The following USP25 variants were observed in gnomAD, a reference collection of about 807,000 sequenced individuals.
USP25 encodes the protein ubiquitin specific peptidase 25.
In USP25, 85 loss-of-function variants were observed where a neutral mutation model predicts 158.5. The observed-to-expected ratio is 0.54, with a 90% CI of 0.45 to 0.64. The LOEUF (loss-of-function observed/expected upper bound fraction) is 0.64, where lower values mean the gene tolerates loss of function less well. Among genes scored for constraint, USP25 ranks in the 30% least tolerant of loss-of-function variants. The pLI is 0.00. For missense variants in USP25, 1,242 were observed against 1,327.3 expected (o/e 0.94, Z 1.00); for synonymous variants, 464 against 460.4 (o/e 1.01, Z -0.10).
At chr21:15,732,335 G>C (rs1401118322) in intron 1 of USP25, among the ~76,000 whole-genome samples, 1 of 152,102 alleles carries the variant, frequency 6.6e-6, no homozygotes, top group Non-Finnish European at 1.5e-5. Flanking sequence ...AAATGTGTTT[G>C]CTTTCCGTAT....
Position 15,843,616 on chromosome 21 carries a change from C to CT in USP25, c.2337+1078dup, listed in dbSNP as rs1256763984. Among the ~76,000 whole-genome samples, 5 of 151,988 alleles carry CT rather than the reference C, an allele frequency of 3.3e-5. No homozygotes were observed. The highest frequency in any genetic ancestry group is 9.7e-5 in the African/African-American group (4 of 41,374). On this transcript the variant is annotated intron_variant, in intron 18 of 25. Coordinates refer to ENST00000400183, the MANE Select transcript of USP25 (RefSeq NM_001283041.3). The surrounding 1 kb of genome is among the most constrained non-coding windows in gnomAD (Gnocchi z 4.0). ...TGATGATTCCAAATTTTGCAAATGC[C>CT]TTAGAAGCTTTAAATGAATTTGATG... is the stretch of plus-strand genomic sequence containing the variant.
In USP25 at chr21:15,818,786, A is replaced by C; in HGVS notation, c.1020A>C (p.Ala340=). The part of the protein sequence containing the change: ...FKDLHECLEA[A]MIEGEIESLH... ...ATCTGCATGAGTGCCTAGAAGCTGC[A>C]ATGATTGAAGGAGAAATTGAGTCTT... Residue 340 remains alanine, a synonymous_variant, in exon 10 of 26, where the codon GCA becomes GCC. Coordinates refer to ENST00000400183, the MANE Select transcript of USP25 (RefSeq NM_001283041.3). The C allele has an allele frequency of 6.2e-7, 1 of 1,613,974 alleles. No individual in the cohort carries two copies. Among genetic ancestry groups the C allele is most frequent in the Non-Finnish European group, 8.5e-7 (1 of 1,179,864 alleles).
chr21:15,749,805 G>A (rs1040862590), intron 1 of USP25, among the ~76,000 whole-genome samples: 6 of 152,208 alleles, frequency 3.9e-5, no homozygotes, highest in African/African-American at 1.4e-4. Flanking sequence ...TCCAAGTAAA[G>A]AGAAGTCTAT....
intron 1 of USP25, among the ~76,000 whole-genome samples, chr21:15,758,731 A>G (rs1600827442): frequency 6.6e-6 from 1 of 152,160 alleles, no homozygotes; most frequent in African/African-American, 2.4e-5. Context: ...CAGAAGGGAA[A>G]GGAGAAGCAA....
Position 15,847,687 on chromosome 21 carries a change from C to G in USP25, c.2362C>G (p.Pro788Ala), listed in dbSNP as rs749583245. 1 of 1,549,988 alleles carries G rather than the reference C, an allele frequency of 6.5e-7. No individual in the cohort carries two copies. The highest frequency in any genetic ancestry group is 2.0e-5 in the Admixed American group (1 of 50,986). ...QSKPENTTSQ[P>A]LSNQRVVEVA... The stretch of plus-strand genomic sequence containing the variant: ...GAAACCTGAAAATACTACAAGCCAA[C>G]CACTTTCTAATCAGCGAGTTGTAGA... The change falls in exon 19 of 26, where the codon CCA becomes GCA. Residue 788 changes from proline to alanine, a missense_variant. Around this residue, in one of 3 missense-constraint regions of USP25, gnomAD observed 608 missense variants for 605.2 expected, o/e 1.00. Transcript: ENST00000400183.
chr21:15,792,976 T>C (rs2035672377), intron 5 of USP25, among the ~76,000 whole-genome samples: 1 of 151,616 alleles, frequency 6.6e-6, no homozygotes, highest in South Asian at 2.1e-4. Context: ...ATTGATACCT[T>C]AGAGATTCTT....
At chr21:15,795,702 T>C (rs1252591109) in intron 5 of USP25, among the ~76,000 whole-genome samples, 1 of 151,642 alleles carries the variant, frequency 6.6e-6, no homozygotes, top group Non-Finnish European at 1.5e-5. Context: ...CTGAGTCATT[T>C]AAGATCTCCA....
chr21:15,739,295 T>A (rs904114908), intron 1 of USP25, among the ~76,000 whole-genome samples: 18 of 152,230 alleles, frequency 1.2e-4, no homozygotes, highest in Non-Finnish European at 2.5e-4. Flanking sequence ...CTTTTGTACC[T>A]CATGCATTTC....
chr21:15,818,647 T>C, intron 9 of USP25, 51 bp from the exon 10 acceptor site: 1 of 1,499,414 alleles, frequency 6.7e-7, no homozygotes, highest in Non-Finnish European at 9.1e-7. Flanking sequence ...CTCTTAATTT[T>C]AGTAGCCAGA....
intron 6 of USP25, among the ~76,000 whole-genome samples, 156 bp downstream of exon 6, chr21:15,799,999 T>G (rs1317047564): frequency 6.6e-6 from 1 of 151,272 alleles, no homozygotes; most frequent in Non-Finnish European, 1.5e-5. Context: ...TTCTTATCCT[T>G]TGTTAATATA....
chr21:15,846,101 GAT>G (rs1209524136), intron 18 of USP25, among the ~76,000 whole-genome samples: 3 of 89,542 alleles, frequency 3.4e-5, no homozygotes, highest in African/African-American at 7.8e-5. Flanking sequence ...TGTGGATTTT[GAT>G]ATATGTGTGT....
intron 4 of USP25, among the ~76,000 whole-genome samples, chr21:15,784,297 G>T (rs972902975): frequency 6.6e-6 from 1 of 152,198 alleles, no homozygotes; most frequent in Non-Finnish European, 1.5e-5. Context: ...ATGTGGCTGG[G>T]CGTGGTGGCT....
Position 15,826,498 on chromosome 21 carries a change from T to G in USP25, c.1466+133T>G, listed in dbSNP as rs185301159. 9.5e-4 allele frequency: 976 copies of G among 1,031,774 alleles called. 3 individuals are homozygous for G. Among genetic ancestry groups the G allele is most frequent in the African/African-American group, 5.3e-3 (329 of 61,964 alleles). 63.9% of individuals were successfully genotyped at this position (1,031,774 alleles called of 1,614,324 possible). A position where few individuals can be genotyped will look rare whatever the true frequency, so the allele number is the denominator to read the frequency against. On this transcript the variant is annotated intron_variant, in intron 13 of 25. Coordinates refer to ENST00000400183, the MANE Select transcript of USP25 (RefSeq NM_001283041.3). This position sits in a 1 kb window ranked among gnomAD's most constrained non-coding sequence, Gnocchi z 4.8. ...AGTGAACTCCTAAGAGTAGATTCAC[T>G]TAGAAGACTGTATGTCCTCTGGGAG...
At chr21:15,847,388 C>A (rs1387056463) in intron 18 of USP25, among the ~76,000 whole-genome samples, 1 of 152,104 alleles carries the variant, frequency 6.6e-6, no homozygotes, top group African/African-American at 2.4e-5. Context: ...GGGAAAACTG[C>A]AGATTTTGTA....
At position 15,742,215 on chromosome 21, in the gene USP25, A is replaced by T. The variant is rs190020151; in HGVS notation, c.45+11777A>T. Among the ~76,000 whole-genome samples the T allele has an allele frequency of 1.2e-4, 18 of 151,826 alleles. No individual in the cohort carries two copies. The East Asian group carries it at 3.3e-3, about 28-fold the overall frequency. On this transcript the variant is annotated intron_variant, in intron 1 of 25. Coordinates refer to ENST00000400183, the MANE Select transcript of USP25 (RefSeq NM_001283041.3). ...TGTTGGGTTTTTGTTGTTGCTGTTC[A>T]GTCTGGAAATGGGTGGTGTGTGGTG...
intron 3 of USP25, among the ~76,000 whole-genome samples, chr21:15,773,590 A>G (rs1306135202): frequency 6.6e-6 from 1 of 152,166 alleles, no homozygotes; most frequent in East Asian, 1.9e-4. Flanking sequence ...CATTGTAAAA[A>G]CCAAAGAAAA....
At chr21:15,854,760 A>G (rs1464883623) in intron 20 of USP25, among the ~76,000 whole-genome samples, 4 of 152,164 alleles carry the variant, frequency 2.6e-5, no homozygotes, top group Non-Finnish European at 5.9e-5. Context: ...AACTCTTTCA[A>G]CCACAGGCCA....
intron 3 of USP25, among the ~76,000 whole-genome samples, chr21:15,770,290 C>T (rs973097602): frequency 6.6e-6 from 1 of 152,026 alleles, no homozygotes; most frequent in African/African-American, 2.4e-5. Flanking sequence ...AGCCTAAAAA[C>T]TGAGATGCTA....
chr21:15,813,884 A>G lies in USP25; in HGVS notation c.931+2674A>G, dbSNP rs138086591. ...TGATTTTCTACATGTGGTTAAATCC[A>G]TTAGATCCCTTTCAGTTTCTGATAT... On this transcript the variant is annotated intron_variant, in intron 9 of 25. Transcript: ENST00000400183. Among the ~76,000 whole-genome samples the G allele has an allele frequency of 3.7e-4, 56 of 152,110 alleles. 1 individual carries two copies. Among genetic ancestry groups the G allele is most frequent in the Middle Eastern group, 3.4e-3 (1 of 294 alleles).
Sources: allele counts gnomAD v4.1 joint callset (sites outside exome capture counted in the v4.1 genomes callset), GRCh38; gene constraint gnomAD v4.1.1; regional missense constraint gnomAD v4.1.1; non-coding constraint Gnocchi (gnomAD v3.1); transcripts MANE v1.5; gene names NCBI Gene and HGNC (gene_info 2026-07-23, HGNC 2026-07-21).